The following CDH4 variants were observed in gnomAD, a reference collection of about 807,000 sequenced individuals.
The protein encoded by CDH4 is cadherin-4.
CDH4 carries 33 observed loss-of-function variants against 86.0 expected under a neutral mutation model. The ratio of observed to expected loss-of-function variants is 0.38; its 90% CI spans 0.29 to 0.51. The LOEUF is 0.51. Ranked by LOEUF, CDH4 falls within the 20% of genes least tolerant of loss-of-function variation. CDH4 has a pLI of 0.86. For missense variants in CDH4, 1,114 were observed against 1,307.4 expected (o/e 0.85, Z 2.28); for synonymous variants, 555 against 549.4 (o/e 1.01, Z -0.14).
chr20:61,331,622 C>T (rs797021115), intron 2 of CDH4, among the ~76,000 whole-genome samples: 3,161 of 42,494 alleles, frequency 0.074, no homozygotes, highest in African/African-American at 0.13. Flanking sequence ...GCCCCAGGCC[C>T]ACCTCCTGCC....
intron 7 of CDH4, among the ~76,000 whole-genome samples, chr20:61,889,946 G>C (rs907100037): frequency 1.3e-5 from 2 of 150,654 alleles, no homozygotes; most frequent in Middle Eastern, 3.5e-3. Flanking sequence ...ATGAGTGAGT[G>C]GATGGTTGGA....
intron 4 of CDH4, among the ~76,000 whole-genome samples, chr20:61,817,170 G>A (rs62206301): frequency 0.42 from 63,421 of 152,168 alleles, 15,862 homozygotes; most frequent in Non-Finnish European, 0.57. Context: ...ATCCTTGGGC[G>A]CAGCCCTGAT....
intron 2 of CDH4, among the ~76,000 whole-genome samples, chr20:61,540,169 A>G (rs1394019876): frequency 6.6e-6 from 1 of 152,202 alleles, no homozygotes; most frequent in Non-Finnish European, 1.5e-5. Flanking sequence ...ACACTCGACA[A>G]ACCTGATGGG....
At chr20:61,382,781 T>C (rs527581958) in intron 2 of CDH4, among the ~76,000 whole-genome samples, 8 of 152,226 alleles carry the variant, frequency 5.3e-5, no homozygotes, top group African/African-American at 1.9e-4. Context: ...AGAGGTCACC[T>C]ATCATCAGAA....
chr20:61,354,531 T>C (rs1354361423), intron 2 of CDH4, among the ~76,000 whole-genome samples: 1 of 152,190 alleles, frequency 6.6e-6, no homozygotes, highest in African/African-American at 2.4e-5. Context: ...AAATCAAAGA[T>C]GATAATTGAG....
At chr20:61,887,870 C>T (rs1181171211) in intron 7 of CDH4, among the ~76,000 whole-genome samples, 4 of 152,190 alleles carry the variant, frequency 2.6e-5, no homozygotes, top group Non-Finnish European at 5.9e-5. Context: ...TAGCTGAGAG[C>T]AGCCTGGGGA....
chr20:61,381,999 C>T (rs539459764), intron 2 of CDH4, among the ~76,000 whole-genome samples: 2 of 151,974 alleles, frequency 1.3e-5, no homozygotes, highest in Non-Finnish European at 2.9e-5. Context: ...TTGTTTGAAC[C>T]TGGGAGGCAG....
intron 2 of CDH4, among the ~76,000 whole-genome samples, chr20:61,657,556 G>A (rs2210113): frequency 0.25 from 37,360 of 152,078 alleles, 5,128 homozygotes; most frequent in African/African-American, 0.37. Context: ...CAATTCCCCA[G>A]ATGGGGAAAA....
chr20:61,331,954 G>T (rs555987737), intron 2 of CDH4, among the ~76,000 whole-genome samples: 1 of 152,144 alleles, frequency 6.6e-6, no homozygotes, highest in Non-Finnish European at 1.5e-5. Flanking sequence ...TCGCCTGTGC[G>T]CCCCACAGGG....
chr20:61,257,450 C>T (rs556489963), intron 2 of CDH4, among the ~76,000 whole-genome samples: 1 of 152,344 alleles, frequency 6.6e-6, no homozygotes, highest in Non-Finnish European at 1.5e-5. Context: ...ACGAACCTTC[C>T]GAGAAGCGGA....
At chr20:61,616,302 G>A (rs938323003) in intron 2 of CDH4, among the ~76,000 whole-genome samples, 2 of 152,216 alleles carry the variant, frequency 1.3e-5, no homozygotes, top group Non-Finnish European at 2.9e-5. Context: ...TGTGTGGGGC[G>A]GGTGGAGGTG....
intron 2 of CDH4, among the ~76,000 whole-genome samples, chr20:61,560,120 G>A (rs1330488432): frequency 6.6e-6 from 1 of 152,134 alleles, no homozygotes; most frequent in African/African-American, 2.4e-5. Flanking sequence ...TTATCTGGTC[G>A]GCGGAGACAA....
At chr20:61,823,391 A>T (rs1034624490) in intron 4 of CDH4, among the ~76,000 whole-genome samples, 1 of 134,346 alleles carries the variant, frequency 7.4e-6, no homozygotes, top group Non-Finnish European at 1.6e-5. Flanking sequence ...ATGAAGGTGA[A>T]TAATAATGTG....
chr20:61,850,002 G>A (rs138226535), intron 5 of CDH4, among the ~76,000 whole-genome samples: 10 of 152,298 alleles, frequency 6.6e-5, no homozygotes, highest in Non-Finnish European at 2.9e-5. Context: ...TGAGGGTGGC[G>A]AGGACGCATC....
At chr20:61,683,513 G>A (rs908479406) in intron 2 of CDH4, among the ~76,000 whole-genome samples, 1 of 152,168 alleles carries the variant, frequency 6.6e-6, no homozygotes, top group African/African-American at 2.4e-5. Context: ...CAGGCAGATG[G>A]TACCAGAACG....
At chr20:61,389,660 G>A (rs1444775162) in intron 2 of CDH4, among the ~76,000 whole-genome samples, 5 of 152,164 alleles carry the variant, frequency 3.3e-5, no homozygotes, top group Admixed American at 6.5e-5. Flanking sequence ...AACACACGGC[G>A]ATGTCTGGAG....
chr20:61,399,093 A>G (rs1162064083), intron 2 of CDH4, among the ~76,000 whole-genome samples: 1 of 152,012 alleles, frequency 6.6e-6, no homozygotes, highest in Non-Finnish European at 1.5e-5. Flanking sequence ...CAGAACCTTA[A>G]CAATTGTTTC....
At chr20:61,423,321 T>C (rs1469365171) in intron 2 of CDH4, among the ~76,000 whole-genome samples, 1 of 152,200 alleles carries the variant, frequency 6.6e-6, no homozygotes, top group African/African-American at 2.4e-5. Context: ...GCCCCGGGTG[T>C]GCACTCACCT....
At chr20:61,827,027 T>TA (rs1438281895) in intron 4 of CDH4, among the ~76,000 whole-genome samples, 10 of 150,828 alleles carry the variant, frequency 6.6e-5, no homozygotes, top group South Asian at 2.1e-4. Flanking sequence ...TTCCTTATTG[T>TA]AAAAAAAGAT....
Sources: gnomAD v4.1 joint callset for allele counts (sites outside exome capture counted in the v4.1 genomes callset) on GRCh38, gnomAD v4.1.1 for gene constraint, MANE v1.5 for transcripts, NCBI Gene and HGNC (gene_info 2026-07-23, HGNC 2026-07-21) for gene names.